AVEN: variants seen among roughly 807,000 people sequenced by gnomAD.
AVEN encodes the protein apoptosis and caspase activation inhibitor, also known as cell death regulator Aven.
Under a neutral mutation model 38.1 loss-of-function variants are expected in AVEN, and 41 were observed. The ratio of observed to expected loss-of-function variants is 1.08; its 90% confidence interval spans 0.84 to 1.40. The LOEUF is 1.40. Ranked by LOEUF, AVEN falls within the 40% of genes most tolerant of loss-of-function variation. AVEN has a pLI of 0.00. For synonymous variants in AVEN, 206 were observed against 171.8 expected (o/e 1.20, Z -1.56); for missense variants, 605 against 438.8 (o/e 1.38, Z -3.38).
At chr15:33,879,200 C>T (rs1891377943) in intron 2 of AVEN, among the ~76,000 whole-genome samples, 1 of 151,524 alleles carries the variant, frequency 6.6e-6, no homozygotes, top group South Asian at 2.1e-4. Flanking sequence ...GGCACATATA[C>T]ACCATGGAAT....
Position 33,994,901 on chromosome 15 carries a change from T to C in AVEN, c.445+8131A>G, listed in dbSNP as rs533496144. Among the ~76,000 whole-genome samples the C allele has an allele frequency of 2.0e-5, 3 of 152,278 alleles. No homozygotes were observed. The East Asian group carries it at 5.8e-4, about 29-fold the overall frequency. On this transcript the variant is annotated intron_variant, in intron 2 of 5. Coordinates refer to ENST00000306730, the MANE Select transcript of AVEN (RefSeq NM_020371.3). ...CTAATTTGGGAAGAAAAAAATAACA[T>C]ACAGGCAACCATCCACATTGGTAGA...
In AVEN at chr15:33,861,073, C is replaced by T. The variant is rs772108766; in HGVS notation, n.2730-1979G>A. On this transcript the variant is annotated intron_variant and non_coding_transcript_variant, in intron 11 of 11. Transcript: ENST00000675287. ...AATGCCTTTTCTGCCTGTTATTTTTCTTAGACTAAATGTTTCATCTGTGGG... is the reference window on the plus strand; with the variant it reads ...AATGCCTTTTCTGCCTGTTATTTTTTTTAGACTAAATGTTTCATCTGTGGG... The T allele has an allele frequency of 1.9e-6, 3 of 1,574,434 alleles. No homozygotes were observed. The Admixed American group carries it at 5.5e-5, about 29-fold the overall frequency.
rs551855811 is a variant in AVEN, at chr15:33,986,433, T to TA, written c.445+16598dup. ...CCACTGTAAATTTTTATAAACTCTG[T>TA]ATAAACACAAGGCAGAAGACTCTAC... On this transcript the variant is annotated intron_variant, in intron 2 of 5. Transcript: ENST00000306730. 1.3e-4 allele frequency among the ~76,000 whole-genome samples: 20 copies of TA among 152,016 alleles called. No homozygotes were observed. In the South Asian group the frequency reaches 4.0e-3, roughly 30 times the overall value.
intron 3 of AVEN, chr15:34,066,170 A>C (rs1900504852): frequency 6.6e-6 from 1 of 152,248 alleles, no homozygotes; most frequent in Admixed American, 6.5e-5. Context: ...CCTGCAAAGA[A>C]TTCGGTGGGA....
chr15:33,978,872 G>T (rs1367440225), intron 2 of AVEN, among the ~76,000 whole-genome samples: 1 of 151,960 alleles, frequency 6.6e-6, no homozygotes, highest in Non-Finnish European at 1.5e-5. Flanking sequence ...GAAGTCCCAA[G>T]TCTAACAAGA....
intron 2 of AVEN, among the ~76,000 whole-genome samples, chr15:33,957,466 C>G (rs796537453): frequency 5.9e-5 from 9 of 152,222 alleles, no homozygotes; most frequent in African/African-American, 2.2e-4. Context: ...TAAATTTACC[C>G]TAGGACCCAA....
chr15:33,932,838 C>T (rs508995), intron 2 of AVEN, among the ~76,000 whole-genome samples: 92,470 of 146,718 alleles, frequency 0.63, 30,060 homozygotes, highest in East Asian at 0.75. Flanking sequence ...AATAAACAAA[C>T]AAATAAATAA....
chr15:33,968,928 C>A (rs1895506607), intron 2 of AVEN: 1 of 152,028 alleles, frequency 6.6e-6, no homozygotes, highest in Non-Finnish European at 1.5e-5. Context: ...CAAAACTCAC[C>A]CTTCTGGTTC....
rs573103472 is a variant in AVEN at position 33,870,866 on chromosome 15, G to A, written c.612+69C>T. ...GCTGACACTGAGACATCCTGCTGAGGGAAGTGTTCCCCTCTTTTTCTCCTC... is the reference window on the plus strand; with the variant it reads ...GCTGACACTGAGACATCCTGCTGAGAGAAGTGTTCCCCTCTTTTTCTCCTC... On this transcript the variant is annotated intron_variant, in intron 4 of 5. Transcript: ENST00000306730. 4.3e-5 allele frequency: 48 copies of A among 1,114,660 alleles called. No homozygotes were observed. The East Asian group carries it at 8.8e-4, about 21-fold the overall frequency. The allele number at this position is 1,114,660 out of a possible 1,614,324, so 69.0% of individuals were successfully genotyped here. A position where few individuals can be genotyped will look rare whatever the true frequency, so the allele number is the denominator to read the frequency against.
At chr15:33,864,068 C>G, downstream of AVEN, 2 of 1,174,180 alleles carry the variant, frequency 1.7e-6, no homozygotes, top group South Asian at 1.3e-5. Context: ...GAGCCCTGAT[C>G]ACAGTTAATC....
At chr15:33,923,604 G>C (rs931506870) in intron 2 of AVEN, among the ~76,000 whole-genome samples, 5 of 152,180 alleles carry the variant, frequency 3.3e-5, no homozygotes, top group African/African-American at 1.2e-4. Context: ...AATGGGTGTA[G>C]CTGTGTTCTA....
intron 2 of AVEN, chr15:33,968,798 G>A (rs1008292153): frequency 1.3e-5 from 2 of 151,958 alleles, no homozygotes; most frequent in African/African-American, 4.8e-5. Flanking sequence ...TTTTCCAGGG[G>A]GTCAAATGCA....
chr15:33,969,697 G>C (rs1346349862), intron 2 of AVEN, among the ~76,000 whole-genome samples: 1 of 151,956 alleles, frequency 6.6e-6, no homozygotes, highest in Non-Finnish European at 1.5e-5. Flanking sequence ...TTGTAGGATA[G>C]GGCTAATTTA....
At chr15:34,006,494 C>CTA (rs1279658528) in intron 1 of AVEN, among the ~76,000 whole-genome samples, 1 of 152,116 alleles carries the variant, frequency 6.6e-6, no homozygotes, top group African/African-American at 2.4e-5. Context: ...ACAGCTGTAA[C>CTA]ACATGGCAAA....
At chr15:34,060,091 C>T (rs533396440) in intron 5 of AVEN, among the ~76,000 whole-genome samples, 1 of 152,262 alleles carries the variant, frequency 6.6e-6, no homozygotes, top group South Asian at 2.1e-4. Context: ...ATGGCATTTG[C>T]CTAGAGATTT....
intron 2 of AVEN, among the ~76,000 whole-genome samples, chr15:33,888,253 A>G (rs906049125): frequency 6.6e-6 from 1 of 152,202 alleles, no homozygotes; most frequent in Non-Finnish European, 1.5e-5. Context: ...GATCACATAA[A>G]TAAGCAGTTA....
chr15:33,975,883 T>C (rs1353404021), intron 2 of AVEN, among the ~76,000 whole-genome samples: 1 of 152,138 alleles, frequency 6.6e-6, no homozygotes, highest in Non-Finnish European at 1.5e-5. Context: ...TGAGCCTAGA[T>C]TGTGCCACTG....
At chr15:33,966,690 G>C (rs1487255368) in intron 2 of AVEN, among the ~76,000 whole-genome samples, 1 of 151,962 alleles carries the variant, frequency 6.6e-6, no homozygotes, top group African/African-American at 2.4e-5. Flanking sequence ...CAGAGAACCT[G>C]AATGAGAATG....
intron 5 of AVEN, chr15:34,062,891 C>T (rs760812750): frequency 2.5e-6 from 4 of 1,614,202 alleles, no homozygotes; most frequent in Non-Finnish European, 1.7e-6. Context: ...TCAAAGTCAA[C>T]AGCCAGCTCA....
Sources: allele counts gnomAD v4.1 joint callset (sites outside exome capture counted in the v4.1 genomes callset), GRCh38; gene constraint gnomAD v4.1.1; transcripts MANE v1.5; gene names NCBI Gene and HGNC (gene_info 2026-07-23, HGNC 2026-07-21).